The following XXYLT1 variants were observed in gnomAD, a reference collection of about 807,000 sequenced individuals.
XXYLT1 encodes UDP-xylose:alpha-xyloside alpha-1,3-xylosyltransferase.
In XXYLT1, 20 loss-of-function variants were observed where a neutral mutation model predicts 28.9. That is an observed-to-expected ratio of 0.69 (90% CI 0.49 to 1.00). The LOEUF (loss-of-function observed/expected upper bound fraction) is 1.00, where lower values mean the gene tolerates loss of function less well. Among genes scored for constraint, XXYLT1 ranks in the 50% least tolerant of loss-of-function variants. The probability of loss-of-function intolerance (pLI) is 0.00; values close to 1 mark genes in which losing one functional copy is unlikely to be tolerated. For missense variants in XXYLT1, 542 were observed against 560.1 expected (o/e 0.97, Z 0.33); for synonymous variants, 257 against 253.8 (o/e 1.01, Z -0.12).
At chr3:195,170,966 C>T (rs954952437) in intron 2 of XXYLT1, among the ~76,000 whole-genome samples, 2 of 152,168 alleles carry the variant, frequency 1.3e-5, no homozygotes, top group African/African-American at 4.8e-5. Flanking sequence ...TTCAGTCAAA[C>T]CTCTGTGTCC....
At chr3:195,197,589 T>C (rs970762388) in intron 2 of XXYLT1, among the ~76,000 whole-genome samples, 17 of 152,208 alleles carry the variant, frequency 1.1e-4, no homozygotes, top group African/African-American at 4.1e-4. Flanking sequence ...CCTAAAGATG[T>C]TCACAAGCAT....
chr3:195,210,806 G>A lies in XXYLT1; in HGVS notation c.652+15903C>T, dbSNP rs1207333848. On this transcript the variant is annotated intron_variant, in intron 2 of 3. Coordinates refer to ENST00000310380, the MANE Select transcript of XXYLT1 (RefSeq NM_152531.5). This position sits in a 1 kb window ranked among gnomAD's most constrained non-coding sequence, Gnocchi z 4.8. ...GACACATGTTTATACCCTTTGTTCA[G>A]TATTTGTTCAGATGTTTTCACTCAG... is the stretch of plus-strand genomic sequence containing the variant. Among the ~76,000 whole-genome samples the A allele has an allele frequency of 6.6e-6, 1 of 152,214 alleles. No individual in the cohort carries two copies. Among genetic ancestry groups the A allele is most frequent in the African/African-American group, 2.4e-5 (1 of 41,454 alleles).
rs765891231 is a variant in XXYLT1 at position 195,110,618 on chromosome 3, TG to T, written c.786-40508del. ...TGTGTGCTGTATGTGTGCATGTGTG[TG>T]GTGTGTGTGTGGTGTGTGATGTATA... On this transcript the variant is annotated intron_variant, in intron 3 of 3. Coordinates refer to ENST00000310380, the MANE Select transcript of XXYLT1 (RefSeq NM_152531.5). Among the ~76,000 whole-genome samples, 27 of 64,658 alleles carry T rather than the reference TG, an allele frequency of 4.2e-4. 11 individuals are homozygous for T. The highest frequency in any genetic ancestry group is 9.0e-4 in the Non-Finnish European group (26 of 29,046). The allele number at this position is 64,658 out of a possible 152,430, so 42.4% of individuals were successfully genotyped here.
intron 1 of XXYLT1, among the ~76,000 whole-genome samples, chr3:195,260,932 G>C (rs1010526178): frequency 3.3e-5 from 5 of 152,214 alleles, no homozygotes; most frequent in Non-Finnish European, 7.4e-5. Flanking sequence ...TCATCGGCAG[G>C]CGGATGACAG....
chr3:195,098,507 C>T (rs1291852885), intron 3 of XXYLT1, among the ~76,000 whole-genome samples: 2 of 152,186 alleles, frequency 1.3e-5, no homozygotes, highest in East Asian at 1.9e-4. Context: ...GAGCGGAGAT[C>T]GTGCCACTGC....
chr3:195,221,579 G>C (rs1723825035), intron 2 of XXYLT1, among the ~76,000 whole-genome samples: 1 of 152,168 alleles, frequency 6.6e-6, no homozygotes, highest in African/African-American at 2.4e-5. Context: ...AGGCCTGCCT[G>C]CCCTGCTCAG....
In XXYLT1 at chr3:195,255,325, T is replaced by C. The variant is rs184116250; in HGVS notation, c.504+15230A>G. ...GGTGGGAGACAGCAGCGGGGTTCCCTACCCCACACGGCTCGCACCCACGAG... is the reference window on the plus strand; with the variant it reads ...GGTGGGAGACAGCAGCGGGGTTCCCCACCCCACACGGCTCGCACCCACGAG... On this transcript the variant is annotated intron_variant, in intron 1 of 3. Transcript: ENST00000310380. This position sits in a 1 kb window ranked among gnomAD's most constrained non-coding sequence, Gnocchi z 4.5. Among the ~76,000 whole-genome samples the C allele has an allele frequency of 9.4e-4, 143 of 152,244 alleles. No homozygotes were observed. Among genetic ancestry groups the C allele is most frequent in the Non-Finnish European group, 1.3e-3 (88 of 68,008 alleles).
rs1157437701 is a variant in XXYLT1 at position 195,156,662 on chromosome 3, G to A, written c.653-81C>T. On this transcript the variant is annotated intron_variant, in intron 2 of 3. Coordinates refer to ENST00000310380, the MANE Select transcript of XXYLT1 (RefSeq NM_152531.5). The stretch of plus-strand genomic sequence containing the variant: ...CCACGGACAGAAAATGAAGTGGAGG[G>A]CAGAGAAAAGGGCACTGGACTCTTA... The A allele has an allele frequency of 4.5e-6, 7 of 1,548,626 alleles. No individual in the cohort carries two copies. In the East Asian group the frequency reaches 1.6e-4, roughly 35 times the overall value.
At position 195,210,660 on chromosome 3, in the gene XXYLT1, T is replaced by A. The variant is rs1157724434; in HGVS notation, c.652+16049A>T. 6.6e-6 allele frequency among the ~76,000 whole-genome samples: 1 copy of A among 152,230 alleles called. No homozygotes were observed. Among genetic ancestry groups the A allele is most frequent in the Admixed American group, 6.5e-5 (1 of 15,292 alleles). The stretch of plus-strand genomic sequence containing the variant: ...TAGTAGAAAATGGTCTCTACCACGT[T>A]ACTATTTTTAGCATTTTATGACAAA... On this transcript the variant is annotated intron_variant, in intron 2 of 3. Coordinates refer to ENST00000310380, the MANE Select transcript of XXYLT1 (RefSeq NM_152531.5). This position sits in a 1 kb window ranked among gnomAD's most constrained non-coding sequence, Gnocchi z 4.8.
chr3:195,087,436 T>G (rs1715793270), intron 3 of XXYLT1: 2 of 152,306 alleles, frequency 1.3e-5, no homozygotes, highest in South Asian at 4.1e-4. Flanking sequence ...CTACCCTCCC[T>G]GTCTCTCCCC....
chr3:195,239,962 T>G (rs999054270), intron 1 of XXYLT1, among the ~76,000 whole-genome samples: 1 of 152,220 alleles, frequency 6.6e-6, no homozygotes, highest in African/African-American at 2.4e-5. Flanking sequence ...TTTGTAGCCA[T>G]TCACTAACCT....
intron 3 of XXYLT1, among the ~76,000 whole-genome samples, chr3:195,128,985 C>A (rs1223474631): frequency 6.6e-6 from 1 of 152,162 alleles, no homozygotes; most frequent in African/African-American, 2.4e-5. Context: ...CGAGACGAGT[C>A]ATTTTCATTC....
intron 2 of XXYLT1, among the ~76,000 whole-genome samples, chr3:195,162,383 G>T (rs914927440): frequency 1.3e-5 from 2 of 152,158 alleles, no homozygotes; most frequent in African/African-American, 4.8e-5. Context: ...CGGATGGTCG[G>T]GGGGAGAAAG....
At chr3:195,071,355 G>T (rs1342625005) in intron 3 of XXYLT1, among the ~76,000 whole-genome samples, 2 of 152,216 alleles carry the variant, frequency 1.3e-5, no homozygotes, top group Non-Finnish European at 2.9e-5. Flanking sequence ...AGGTACGGGG[G>T]AATAAAACCG....
chr3:195,197,273 C>T (rs1722665445), intron 2 of XXYLT1, among the ~76,000 whole-genome samples: 1 of 152,094 alleles, frequency 6.6e-6, no homozygotes, highest in Non-Finnish European at 1.5e-5. Context: ...CTCGTCTCTA[C>T]TAAAAATACA....
intron 1 of XXYLT1, among the ~76,000 whole-genome samples, chr3:195,247,362 TC>T (rs1471000064): frequency 1.3e-5 from 2 of 152,300 alleles, no homozygotes; most frequent in African/African-American, 4.8e-5. Flanking sequence ...GTGGGAACCA[TC>T]CCATGACCTA....
In XXYLT1 at chr3:195,255,228, G is replaced by A. The variant is rs1725433326; in HGVS notation, c.504+15327C>T. ...TCCGAGTACCATGCTCGCACAACAGGGAGCCGCCGACCAGGCCTGGAGATC... is the reference window on the plus strand; with the variant it reads ...TCCGAGTACCATGCTCGCACAACAGAGAGCCGCCGACCAGGCCTGGAGATC... On this transcript the variant is annotated intron_variant, in intron 1 of 3. Coordinates refer to ENST00000310380, the MANE Select transcript of XXYLT1 (RefSeq NM_152531.5). The surrounding 1 kb of genome is among the most constrained non-coding windows in gnomAD (Gnocchi z 4.5). Among the ~76,000 whole-genome samples, 1 of 152,172 alleles carries A rather than the reference G, an allele frequency of 6.6e-6. No homozygotes were observed. Among genetic ancestry groups the A allele is most frequent in the Admixed American group, 6.5e-5 (1 of 15,278 alleles).
At chr3:195,101,663 GCAAAAAA>G (rs1716780040) in intron 3 of XXYLT1, among the ~76,000 whole-genome samples, 1 of 151,766 alleles carries the variant, frequency 6.6e-6, no homozygotes, top group Non-Finnish European at 1.5e-5. Context: ...TTGGGATATA[GCAAAAAA>G]TACATCTGAG....
At chr3:195,166,852 C>T (rs764230149) in intron 2 of XXYLT1, among the ~76,000 whole-genome samples, 2 of 152,112 alleles carry the variant, frequency 1.3e-5, no homozygotes, top group African/African-American at 2.4e-5. Flanking sequence ...CTAATTTTTG[C>T]ATTTTTAGTA....
Sources: gnomAD v4.1 joint callset for allele counts (sites outside exome capture counted in the v4.1 genomes callset) on GRCh38, gnomAD v4.1.1 for gene constraint, Gnocchi (gnomAD v3.1) non-coding constraint, MANE v1.5 for transcripts, NCBI Gene and HGNC (gene_info 2026-07-23, HGNC 2026-07-21) for gene names.